PSD3: variants seen among roughly 807,000 people sequenced by gnomAD.
PSD3 encodes the protein PH and SEC7 domain-containing protein 3.
In PSD3, 49 loss-of-function variants were observed where a neutral mutation model predicts 105.5. That is an observed-to-expected ratio of 0.46 (90% CI 0.37 to 0.59). PSD3 has a LOEUF of 0.59. Among genes scored for constraint, PSD3 ranks in the 20% least tolerant of loss-of-function variants. PSD3 has a pLI of 0.00. For missense variants in PSD3, 1,561 were observed against 1,263.8 expected (o/e 1.24, Z -3.57); for synonymous variants, 557 against 457.8 (o/e 1.22, Z -2.77).
chr8:18,697,711 T>C (rs1801336883), intron 9 of PSD3, among the ~76,000 whole-genome samples: 1 of 152,216 alleles, frequency 6.6e-6, no homozygotes, highest in Admixed American at 6.5e-5. Context: ...TCTGGGCAAG[T>C]ATCTATCAAT....
chr8:18,576,076 A>G (rs1475992786), intron 12 of PSD3, among the ~76,000 whole-genome samples: 2 of 152,110 alleles, frequency 1.3e-5, no homozygotes, highest in Non-Finnish European at 2.9e-5. Flanking sequence ...CTAAAGAAAG[A>G]TATTGTCTGT....
chr8:19,070,094 C>A lies in PSD3; in HGVS notation c.324+14112G>T, dbSNP rs76148814. 1.9e-3 allele frequency among the ~76,000 whole-genome samples: 293 copies of A among 151,894 alleles called. 3 individuals carry two copies. Among genetic ancestry groups the A allele is most frequent in the African/African-American group, 6.6e-3 (275 of 41,432 alleles). ...CAAGTAGCTGGATTAGGAGAGGTTT[C>A]TTCTGGTTAGCAGTGTCACAAAACA... On this transcript the variant is annotated intron_variant, in intron 1 of 1. Transcript: ENST00000521475.
chr8:19,046,447 T>C (rs920070093), intron 1 of PSD3, among the ~76,000 whole-genome samples: 4 of 152,180 alleles, frequency 2.6e-5, no homozygotes, highest in Non-Finnish European at 5.9e-5. Flanking sequence ...TTCATCATTT[T>C]AGCAGCAACC....
intron 2 of PSD3, among the ~76,000 whole-genome samples, chr8:18,880,171 A>G (rs1818018285): frequency 6.6e-6 from 1 of 152,198 alleles, no homozygotes; most frequent in South Asian, 2.1e-4. Flanking sequence ...CTGTTTAAAA[A>G]TTGGGACTAT....
At chr8:18,860,343 A>G (rs1816344259) in intron 4 of PSD3, among the ~76,000 whole-genome samples, 1 of 152,168 alleles carries the variant, frequency 6.6e-6, no homozygotes, top group African/African-American at 2.4e-5. Context: ...AAAGTCTGAA[A>G]TATTGAGATA....
At chr8:18,567,449 T>C (rs975842363) in intron 14 of PSD3, among the ~76,000 whole-genome samples, 1 of 152,196 alleles carries the variant, frequency 6.6e-6, no homozygotes, top group African/African-American at 2.4e-5. Flanking sequence ...TGGAGATGTC[T>C]GCCAACATAC....
chr8:18,730,010 C>T (rs1803618746), intron 9 of PSD3: 1 of 151,842 alleles, frequency 6.6e-6, no homozygotes. Context: ...CATCATAAAG[C>T]AAAAAAAGCT....
At chr8:18,880,446 G>A (rs1818035232) in intron 2 of PSD3, among the ~76,000 whole-genome samples, 1 of 152,190 alleles carries the variant, frequency 6.6e-6, no homozygotes, top group African/African-American at 2.4e-5. Context: ...GTAGCAGAGA[G>A]GGCACAAGCA....
chr8:19,007,531 T>C (rs1259822871), intron 1 of PSD3, among the ~76,000 whole-genome samples: 2 of 152,126 alleles, frequency 1.3e-5, no homozygotes, highest in East Asian at 1.9e-4. Flanking sequence ...TGAACAATGC[T>C]GATTCAGGCA....
chr8:18,710,891 C>T (rs983283025), intron 9 of PSD3, among the ~76,000 whole-genome samples: 1 of 152,018 alleles, frequency 6.6e-6, no homozygotes, highest in East Asian at 1.9e-4. Flanking sequence ...CATATTGGAC[C>T]AGGCTGGTCT....
chr8:18,843,915 ATTT>A (rs10578700), intron 4 of PSD3, among the ~76,000 whole-genome samples: 59,778 of 141,508 alleles, frequency 0.42, 12,459 homozygotes, highest in Admixed American at 0.51. Context: ...AAGATAGACT[ATTT>A]TTTTTTTTTT....
At chr8:18,838,061 GTT>G (rs1814274979) in intron 4 of PSD3, among the ~76,000 whole-genome samples, 1 of 152,170 alleles carries the variant, frequency 6.6e-6, no homozygotes, top group South Asian at 2.1e-4. Context: ...ATTATGAAAG[GTT>G]TTAAGTTATC....
intron 12 of PSD3, among the ~76,000 whole-genome samples, chr8:18,583,482 C>T (rs1212923636): frequency 6.6e-6 from 1 of 152,114 alleles, no homozygotes; most frequent in African/African-American, 2.4e-5. Flanking sequence ...CATGTGATAG[C>T]TCCAACTGCT....
In PSD3 at chr8:18,824,097, C is replaced by A. The variant is rs576758751; in HGVS notation, c.1635-19199G>T. 1.1e-4 allele frequency among the ~76,000 whole-genome samples: 17 copies of A among 152,254 alleles called. No homozygotes were observed. In the South Asian group the frequency reaches 3.3e-3, roughly 30 times the overall value. On this transcript the variant is annotated intron_variant, in intron 4 of 15. Coordinates refer to ENST00000327040, the MANE Select transcript of PSD3 (RefSeq NM_015310.4). The stretch of plus-strand genomic sequence containing the variant: ...CTGAGGCGGGAAGAGCACGTGAGCC[C>A]AGGACTTTGAGGCTACAATCAGGTA...
At chr8:18,691,971 A>G (rs1800994916) in intron 9 of PSD3, among the ~76,000 whole-genome samples, 1 of 152,198 alleles carries the variant, frequency 6.6e-6, no homozygotes, top group Non-Finnish European at 1.5e-5. Context: ...CTCTAAAATT[A>G]CCAACATTTC....
intron 1 of PSD3, among the ~76,000 whole-genome samples, chr8:18,961,391 A>C (rs563170917): frequency 9.9e-4 from 151 of 152,320 alleles, no homozygotes; most frequent in African/African-American, 3.5e-3. Flanking sequence ...AAGAGCCATA[A>C]AAATAAATAT....
chr8:18,737,804 C>T (rs1301528427), intron 9 of PSD3, among the ~76,000 whole-genome samples: 1 of 152,016 alleles, frequency 6.6e-6, no homozygotes, highest in African/African-American at 2.4e-5. Context: ...AGAAAATATA[C>T]ACAAAACTAG....
intron 1 of PSD3, among the ~76,000 whole-genome samples, chr8:19,055,911 T>A (rs1828694785): frequency 6.6e-6 from 1 of 152,228 alleles, no homozygotes; most frequent in African/African-American, 2.4e-5. Flanking sequence ...CTGATGCATA[T>A]GTCAGGAGAA....
At chr8:18,916,349 T>TATACACACACAC (rs1563416971) in intron 2 of PSD3, among the ~76,000 whole-genome samples, 1 of 44,740 alleles carries the variant, frequency 2.2e-5, no homozygotes, top group African/African-American at 8.3e-5. Context: ...TATATATATA[T>TATACACACACAC]ACACACACAC....
Sources: gnomAD v4.1 joint callset for allele counts (sites outside exome capture counted in the v4.1 genomes callset) on GRCh38, gnomAD v4.1.1 for gene constraint, MANE v1.5 for transcripts, NCBI Gene and HGNC (gene_info 2026-07-23, HGNC 2026-07-21) for gene names.